The following MEIOSIN variants were observed in gnomAD, a reference collection of about 807,000 sequenced individuals.
The protein encoded by MEIOSIN is meiosis initiator.
In MEIOSIN, 18 loss-of-function variants were observed where a neutral mutation model predicts 23.4. That is an observed-to-expected ratio of 0.77 (90% CI 0.53 to 1.14). The LOEUF (loss-of-function observed/expected upper bound fraction) is 1.14, where lower values mean the gene tolerates loss of function less well. Ranked by LOEUF, MEIOSIN falls within the 50% of genes most tolerant of loss-of-function variation. MEIOSIN has a pLI of 0.00. For missense variants in MEIOSIN, 428 were observed against 242.9 expected (o/e 1.76, Z -5.07); for synonymous variants, 187 against 100.6 (o/e 1.86, Z -5.14).
intron 9 of MEIOSIN, among the ~76,000 whole-genome samples, chr19:45,758,186 G>T (rs1180431249): frequency 6.6e-6 from 1 of 151,840 alleles, no homozygotes; most frequent in African/African-American, 2.4e-5. Context: ...TAGAGACAGG[G>T]TTTCACCGTG....
intron 10 of MEIOSIN, among the ~76,000 whole-genome samples, 167 bp from the exon 11 acceptor site, chr19:45,759,247 G>A (rs1001893322): frequency 2.6e-5 from 4 of 152,234 alleles, no homozygotes; most frequent in Non-Finnish European, 5.9e-5. Flanking sequence ...GTGTGTTGGA[G>A]GTGACCCAGG....
At chr19:45,738,724 A>C (rs746507880) in intron 2 of MEIOSIN, among the ~76,000 whole-genome samples, 11 of 152,224 alleles carry the variant, frequency 7.2e-5, no homozygotes, top group Non-Finnish European at 1.6e-4. Context: ...CACCATTGTA[A>C]AGTCGAAAAA....
chr19:45,759,895 G>A (rs557933151), intron 11 of MEIOSIN, among the ~76,000 whole-genome samples: 16 of 151,962 alleles, frequency 1.1e-4, no homozygotes, highest in South Asian at 4.2e-4. Context: ...TCCGCCTCCC[G>A]GGTTCAAACA....
At chr19:45,738,035 C>T (rs921267438) in intron 2 of MEIOSIN, among the ~76,000 whole-genome samples, 13 of 152,184 alleles carry the variant, frequency 8.5e-5, no homozygotes, top group South Asian at 6.2e-4. Context: ...GGATTACAGG[C>T]GTGAGCCACC....
chr19:45,747,750 C>T (rs754277264), intron 4 of MEIOSIN, among the ~76,000 whole-genome samples: 5 of 152,116 alleles, frequency 3.3e-5, no homozygotes, highest in African/African-American at 4.8e-5. Context: ...ATGGTCACAT[C>T]GCCCACAGGC....
At chr19:45,736,170 C>T (rs1285410195) in intron 2 of MEIOSIN, among the ~76,000 whole-genome samples, 1 of 152,074 alleles carries the variant, frequency 6.6e-6, no homozygotes, top group Non-Finnish European at 1.5e-5. Context: ...CTTCAGCCTT[C>T]CGAACAGCTA....
rs568196727 is a variant in MEIOSIN at position 45,762,211 on chromosome 19, G to A, written c.1679+28G>A. On this transcript the variant is annotated intron_variant, in intron 13 of 14. Coordinates refer to ENST00000457052, the MANE Select transcript of MEIOSIN (RefSeq NM_001310124.2). Reference sequence around the variant, plus strand: ...GGGTAGGGGGTCGTCTTTGGCCCTGGGGAAGGCCCTGGCTTCGTTCTCTGC... The same window carrying A: ...GGGTAGGGGGTCGTCTTTGGCCCTGAGGAAGGCCCTGGCTTCGTTCTCTGC... The A allele has an allele frequency of 2.0e-5, 8 of 404,294 alleles. No individual in the cohort carries two copies. The East Asian group carries it at 2.8e-4, about 14-fold the overall frequency. The allele number at this position is 404,294 out of a possible 1,614,324, so 25.0% of individuals were successfully genotyped here. A position where few individuals can be genotyped will look rare whatever the true frequency, so the allele number is the denominator to read the frequency against.
rs188076402 is a variant in MEIOSIN at position 45,739,994 on chromosome 19, C to T, written c.176+264C>T. On this transcript the variant is annotated intron_variant, in intron 3 of 14. Transcript: ENST00000457052. ...TCCCGAGTAGTTGGGATTACAGGCA[C>T]GTGCCACCACGGCCAGCTAATTTTT... Among the ~76,000 whole-genome samples the T allele has an allele frequency of 7.0e-4, 106 of 152,148 alleles. 3 individuals are homozygous for T. Among genetic ancestry groups the T allele is most frequent in the African/African-American group, 2.4e-3 (100 of 41,506 alleles).
chr19:45,760,161 T>G (rs895263336), intron 11 of MEIOSIN, among the ~76,000 whole-genome samples: 11 of 150,220 alleles, frequency 7.3e-5, no homozygotes, highest in African/African-American at 2.7e-4. Context: ...ATTTTACAGA[T>G]AAGGAAATTG....
chr19:45,745,710 G>T (rs908772111), intron 4 of MEIOSIN, among the ~76,000 whole-genome samples: 1 of 152,192 alleles, frequency 6.6e-6, no homozygotes, highest in East Asian at 1.9e-4. Flanking sequence ...GGGACTACAG[G>T]CACAGGCCAC....
chr19:45,751,637 C>A (rs1219606564), intron 5 of MEIOSIN, among the ~76,000 whole-genome samples: 1 of 149,926 alleles, frequency 6.7e-6, no homozygotes, highest in East Asian at 2.0e-4. Context: ...CGGGCCTCTG[C>A]CAGTATATTT....
chr19:45,753,449 C>G lies in MEIOSIN; in HGVS notation c.419-202C>G, dbSNP rs554370767. ...CCACTGAGCCAAGGCCCAAAACAGC[C>G]CTGAAGAAACCTGAGTTCTTGCCCT... On this transcript the variant is annotated intron_variant, in intron 5 of 14. Transcript: ENST00000457052. Among the ~76,000 whole-genome samples, 5 of 152,202 alleles carry G rather than the reference C, an allele frequency of 3.3e-5. No individual in the cohort carries two copies. The South Asian group carries it at 8.3e-4, about 25-fold the overall frequency.
intron 7 of MEIOSIN, among the ~76,000 whole-genome samples, chr19:45,755,189 G>A (rs1284897884): frequency 6.9e-5 from 10 of 143,896 alleles, no homozygotes; most frequent in Non-Finnish European, 1.5e-4. Flanking sequence ...TTGCTCTGTC[G>A]CCCAGGCTGG....
chr19:45,742,816 AAAC>A (rs886318267), intron 3 of MEIOSIN, among the ~76,000 whole-genome samples: 14 of 151,976 alleles, frequency 9.2e-5, no homozygotes, highest in Non-Finnish European at 1.9e-4. Flanking sequence ...AAACAAAACA[AAAC>A]AACAACAACA....
In MEIOSIN at chr19:45,750,908, G is replaced by C. The variant is rs1968691305; in HGVS notation, c.418+122G>C. On this transcript the variant is annotated intron_variant, in intron 5 of 14. Transcript: ENST00000457052. ...ATAGGGGACAAAGAGAGATATGCAA[G>C]ATGCCTCAGAGAAGAGGGGCCTTGG... 3 of 399,166 alleles carry C rather than the reference G, an allele frequency of 7.5e-6. No homozygotes were observed. The South Asian group carries it at 2.0e-4, about 26-fold the overall frequency. 24.7% of individuals were successfully genotyped at this position (399,166 alleles called of 1,614,324 possible).
intron 4 of MEIOSIN, among the ~76,000 whole-genome samples, chr19:45,748,949 G>A (rs1332490782): frequency 6.6e-6 from 1 of 151,886 alleles, no homozygotes; most frequent in Admixed American, 6.6e-5. Context: ...CATTCCTGTA[G>A]CCCCTGCTAC....
chr19:45,749,694 G>C (rs1413000143), intron 4 of MEIOSIN, among the ~76,000 whole-genome samples: 11 of 78,324 alleles, frequency 1.4e-4, no homozygotes, highest in South Asian at 9.1e-4. Context: ...AAAAAAAAGC[G>C]CAAAAAAAAA....
chr19:45,757,325 C>T, intron 9 of MEIOSIN, 48 bp downstream of exon 9: 1 of 690,348 alleles, frequency 1.4e-6, no homozygotes, highest in Non-Finnish European at 2.7e-6. Context: ...GTGGGCCTTC[C>T]CATACTTTCA....
At chr19:45,762,709 G>A (rs1368260997) in intron 13 of MEIOSIN, among the ~76,000 whole-genome samples, 1 of 152,222 alleles carries the variant, frequency 6.6e-6, no homozygotes, top group African/African-American at 2.4e-5. Flanking sequence ...TCAAATTGCT[G>A]GGATTACAGG....
Sources: gnomAD v4.1 joint callset for allele counts (sites outside exome capture counted in the v4.1 genomes callset) on GRCh38, gnomAD v4.1.1 for gene constraint, MANE v1.5 for transcripts, NCBI Gene and HGNC (gene_info 2026-07-23, HGNC 2026-07-21) for gene names.